SGCD: variants seen among roughly 807,000 people sequenced by gnomAD.
The protein encoded by SGCD is sarcoglycan delta, also known as delta-sarcoglycan.
SGCD carries 18 observed loss-of-function variants against 36.6 expected under a neutral mutation model. That is an observed-to-expected ratio of 0.49 (90% CI 0.34 to 0.73). The LOEUF (loss-of-function observed/expected upper bound fraction) is 0.73. Ranked by LOEUF, SGCD falls within the 30% of genes least tolerant of loss-of-function variation. The pLI, the probability that SGCD is intolerant of heterozygous loss-of-function variation, is 0.01. For missense variants in SGCD, 387 were observed against 346.7 expected, an observed-to-expected ratio of 1.12 and a Z score of -0.92; for synonymous variants, 133 against 130.6, an observed-to-expected ratio of 1.02 and a Z score of -0.12.
intron 1 of SGCD, among the ~76,000 whole-genome samples, chr5:155,940,380 A>T (rs995623846): frequency 1.2e-4 from 19 of 152,148 alleles, no homozygotes; most frequent in Admixed American, 1.1e-3. Flanking sequence ...GATTTCCTGG[A>T]TTCAAACTTT....
At chr5:155,730,145 C>A in the SGCD span, among the ~76,000 whole-genome samples, 2 of 152,082 alleles carry the variant, frequency 1.3e-5, no homozygotes, top group African/African-American at 4.8e-5. Context: ...AACTCTGCAC[C>A]CTCCAGGGAG....
chr5:156,514,382 A>T (rs2127884829), intron 4 of SGCD, among the ~76,000 whole-genome samples: 1 of 152,322 alleles, frequency 6.6e-6, no homozygotes, highest in Admixed American at 6.5e-5. Flanking sequence ...ATTTATCTTC[A>T]TGTTCACCTC....
chr5:156,286,664 G>T (rs1327621523), intron 3 of SGCD, among the ~76,000 whole-genome samples: 1 of 152,090 alleles, frequency 6.6e-6, no homozygotes, highest in Non-Finnish European at 1.5e-5. Context: ...TCACACACTG[G>T]GGCCTGTTGT....
chr5:155,970,064 A>G (rs1435545582), intron 1 of SGCD, among the ~76,000 whole-genome samples: 1 of 152,068 alleles, frequency 6.6e-6, no homozygotes, highest in Non-Finnish European at 1.5e-5. Context: ...TGATGATACC[A>G]TAAGCCTCAG....
chr5:156,458,770 T>G (rs1346157430), intron 3 of SGCD, among the ~76,000 whole-genome samples: 1 of 152,208 alleles, frequency 6.6e-6, no homozygotes, highest in Non-Finnish European at 1.5e-5. Flanking sequence ...CTATGATGCT[T>G]GAATTTCAAG....
chr5:155,969,043 T>G (rs1239936816), intron 1 of SGCD, among the ~76,000 whole-genome samples: 1 of 152,162 alleles, frequency 6.6e-6, no homozygotes, highest in Admixed American at 6.6e-5. Context: ...TCATCTGTTA[T>G]GTATATACCA....
intron 3 of SGCD, among the ~76,000 whole-genome samples, chr5:156,155,631 AG>A (rs1263516617): frequency 6.7e-6 from 1 of 149,662 alleles, no homozygotes; most frequent in Non-Finnish European, 1.5e-5. Context: ...AAAAAAAAAA[AG>A]AAGCACACAG....
At chr5:156,399,197 T>A (rs1182167155) in intron 3 of SGCD, among the ~76,000 whole-genome samples, 1 of 152,186 alleles carries the variant, frequency 6.6e-6, no homozygotes, top group Non-Finnish European at 1.5e-5. Flanking sequence ...GTGTTAGTAG[T>A]CTTCTAGAGT....
chr5:156,398,432 C>T (rs1299304929), intron 3 of SGCD, among the ~76,000 whole-genome samples: 3 of 152,152 alleles, frequency 2.0e-5, no homozygotes, highest in African/African-American at 7.2e-5. Context: ...TTTTACCCAG[C>T]TCTAGTATTT....
the SGCD span, among the ~76,000 whole-genome samples, chr5:155,836,141 A>C: frequency 6.6e-6 from 1 of 152,260 alleles, no homozygotes; most frequent in Non-Finnish European, 1.5e-5. Flanking sequence ...TCTGGGACTT[A>C]TTTAAATACT....
At chr5:155,933,142 T>C (rs1757130728) in intron 1 of SGCD, among the ~76,000 whole-genome samples, 3 of 152,230 alleles carry the variant, frequency 2.0e-5, no homozygotes, top group African/African-American at 2.4e-5. Context: ...TTTAGTTTTT[T>C]ATCCCTCTTA....
chr5:155,986,771 GATC>G (rs1758340585), intron 1 of SGCD, among the ~76,000 whole-genome samples: 2 of 152,246 alleles, frequency 1.3e-5, no homozygotes, highest in Non-Finnish European at 2.9e-5. Context: ...GTTATGCGGT[GATC>G]ATTGATGACT....
chr5:156,713,231 T>G (rs1755071164), intron 7 of SGCD, among the ~76,000 whole-genome samples: 1 of 152,072 alleles, frequency 6.6e-6, no homozygotes, highest in African/African-American at 2.4e-5. Flanking sequence ...TAATTTGAGT[T>G]TATAAAATAA....
chr5:156,678,884 A>C (rs182854464), intron 7 of SGCD, among the ~76,000 whole-genome samples: 159 of 152,238 alleles, frequency 1.0e-3, no homozygotes, highest in Non-Finnish European at 1.9e-3. Flanking sequence ...AGAAACCCAC[A>C]ATTTTCTTGT....
chr5:156,192,444 A>C (rs2127633103), intron 3 of SGCD, among the ~76,000 whole-genome samples: 1 of 152,266 alleles, frequency 6.6e-6, no homozygotes, highest in Non-Finnish European at 1.5e-5. Context: ...GATAGAGAGT[A>C]GAATGATAGA....
At chr5:156,548,032 G>A (rs1758651059) in intron 4 of SGCD, among the ~76,000 whole-genome samples, 1 of 152,170 alleles carries the variant, frequency 6.6e-6, no homozygotes, top group Admixed American at 6.5e-5. Flanking sequence ...CTGGTTCCCT[G>A]CAGTATTATA....
chr5:156,068,278 C>T (rs1462505506), intron 1 of SGCD, among the ~76,000 whole-genome samples: 1 of 151,832 alleles, frequency 6.6e-6, no homozygotes, highest in Non-Finnish European at 1.5e-5. Flanking sequence ...CCCCCTTTCC[C>T]CACCCCACAA....
chr5:156,225,075 C>T (rs762057145), intron 3 of SGCD, among the ~76,000 whole-genome samples: 7 of 152,044 alleles, frequency 4.6e-5, no homozygotes, highest in Non-Finnish European at 7.4e-5. Flanking sequence ...ATCTTCATCA[C>T]CAATGGCATT....
intron 6 of SGCD, among the ~76,000 whole-genome samples, chr5:156,611,997 G>T (rs1029376586): frequency 6.6e-6 from 1 of 152,004 alleles, no homozygotes; most frequent in African/African-American, 2.4e-5. Context: ...TTGAATTGGT[G>T]GTCTGTATTT....
Sources: gnomAD v4.1 joint callset for allele counts (sites outside exome capture counted in the v4.1 genomes callset) on GRCh38, gnomAD v4.1.1 for gene constraint, MANE v1.5 for transcripts, NCBI Gene and HGNC (gene_info 2026-07-23, HGNC 2026-07-21) for gene names.